MAU2: variants seen among roughly 807,000 people sequenced by gnomAD.
MAU2 encodes MAU2 chromatid cohesion factor homolog.
In MAU2, 9 loss-of-function variants were observed where a neutral mutation model predicts 89.1. The observed-to-expected ratio is 0.10, with a 90% CI of 0.06 to 0.18. The LOEUF (loss-of-function observed/expected upper bound fraction) is 0.18. Ranked by LOEUF, MAU2 falls within the 10% of genes least tolerant of loss-of-function variation. MAU2 has a pLI of 1.00. For missense variants in MAU2, 425 were observed against 803.5 expected, an observed-to-expected ratio of 0.53 and a Z score of 5.69; for synonymous variants, 357 against 343.4, an observed-to-expected ratio of 1.04 and a Z score of -0.44.
At chr19:19,334,125 C>A in intron 1 of MAU2, 1 of 978,288 alleles carries the variant, frequency 1.0e-6, no homozygotes, top group Non-Finnish European at 1.2e-6. Context: ...AAGCCCCCAA[C>A]TTCTGCTCTT....
At chr19:19,350,783 C>T (rs1192166797) in intron 16 of MAU2, among the ~76,000 whole-genome samples, 1 of 151,992 alleles carries the variant, frequency 6.6e-6, no homozygotes, top group East Asian at 1.9e-4. Context: ...GCCTGTAGTC[C>T]CAGCTATTTG....
chr19:19,354,098 C>A lies in MAU2; in HGVS notation c.1549-257C>A. 3.2e-5 allele frequency: 17 copies of A among 535,870 alleles called. No homozygotes were observed. The South Asian group carries it at 3.5e-4, about 11-fold the overall frequency. The allele number at this position is 535,870 out of a possible 1,614,324, so 33.2% of individuals were successfully genotyped here. A position where few individuals can be genotyped will look rare whatever the true frequency, so the allele number is the denominator to read the frequency against. ...TCTCTGCTTGAACAGGTAGAAGCCC[C>A]CAAAGTTGTCCATTGGCCATGCCCC... On this transcript the variant is annotated intron_variant, in intron 16 of 18. Transcript: ENST00000262815.
intron 7 of MAU2, among the ~76,000 whole-genome samples, chr19:19,342,210 CCT>C (rs1350488623): frequency 1.3e-5 from 2 of 152,182 alleles, no homozygotes; most frequent in African/African-American, 4.8e-5. Flanking sequence ...ACAGCCTCCC[CCT>C]GCCGTCTCAG....
chr19:19,339,023 G>C (rs2061619215), intron 5 of MAU2, 84 bp downstream of exon 5: 3 of 1,084,086 alleles, frequency 2.8e-6, no homozygotes, highest in Non-Finnish European at 4.0e-6. Context: ...TAACAGAAAT[G>C]GCATTTCAGG....
At chr19:19,323,538 G>A (rs988974393) in intron 1 of MAU2, among the ~76,000 whole-genome samples, 4 of 151,824 alleles carry the variant, frequency 2.6e-5, no homozygotes, top group South Asian at 4.1e-4. Flanking sequence ...ACAGGGTCTC[G>A]CTCCATCACC....
intron 10 of MAU2, 64 bp downstream of exon 10, chr19:19,344,004 C>T (rs2146692628): frequency 1.5e-6 from 2 of 1,374,156 alleles, no homozygotes; most frequent in Non-Finnish European, 2.1e-6. Context: ...CAGTGTCAGA[C>T]AAGAGACTGA....
intron 1 of MAU2, among the ~76,000 whole-genome samples, chr19:19,332,807 C>T (rs1417662912): frequency 1.3e-5 from 2 of 152,094 alleles, no homozygotes; most frequent in Admixed American, 6.6e-5. Context: ...CCAGCCGCTG[C>T]GGCTCACGCC....
At position 19,348,387 on chromosome 19, in the gene MAU2, C is replaced by T. The variant is rs558389415; in HGVS notation, c.1309-502C>T. On this transcript the variant is annotated intron_variant, in intron 13 of 18. Transcript: ENST00000262815. ...TCAAAGGAAAAAGAAAGCCCAGCCC[C>T]GGCTTAGTCATCCGATGCCATACGT... The T allele has an allele frequency of 9.7e-5, 20 of 205,266 alleles. No homozygotes were observed. The East Asian group carries it at 1.8e-3, about 19-fold the overall frequency. The allele number at this position is 205,266 out of a possible 1,614,324, so 12.7% of individuals were successfully genotyped here.
intron 5 of MAU2, among the ~76,000 whole-genome samples, chr19:19,339,904 C>A (rs989493021): frequency 6.6e-6 from 1 of 151,104 alleles, no homozygotes; most frequent in East Asian, 2.0e-4. Context: ...CGCAGTGGCT[C>A]ACACCTGTAA....
In MAU2 at chr19:19,326,706, A is replaced by ATATATATATACACATATATATATATGTG. The variant is rs1555792839; in HGVS notation, c.276+5581_276+5582insCACATATATATATATGTGTATATATATA. On this transcript the variant is annotated intron_variant, in intron 1 of 18. Coordinates refer to ENST00000262815, the MANE Select transcript of MAU2 (RefSeq NM_015329.4). ...CTCAAAAAAAAATATATATATGTATATATATATATATATACATATATATAT... is the reference window on the plus strand; with the variant it reads ...CTCAAAAAAAAATATATATATGTATATATATATATACACATATATATATATGTGTATATATATATATACATATATATAT... 1.8e-4 allele frequency among the ~76,000 whole-genome samples: 16 copies of ATATATATATACACATATATATATATGTG among 86,996 alleles called. 2 individuals are homozygous for ATATATATATACACATATATATATATGTG. Among genetic ancestry groups the ATATATATATACACATATATATATATGTG allele is most frequent in the African/African-American group, 4.2e-4 (12 of 28,418 alleles). 57.1% of individuals were successfully genotyped at this position (86,996 alleles called of 152,430 possible).
intron 16 of MAU2, among the ~76,000 whole-genome samples, chr19:19,349,695 A>G (rs939373136): frequency 1.3e-5 from 2 of 152,220 alleles, no homozygotes; most frequent in Non-Finnish European, 2.9e-5. Context: ...CCCAGGGCTC[A>G]GGGGAGCTGA....
intron 1 of MAU2, chr19:19,321,408 T>C (rs536127527): frequency 4.8e-6 from 2 of 419,966 alleles, no homozygotes. Context: ...TGCCTGTTAT[T>C]GGGAGCAACA....
At chr19:19,324,838 T>C (rs2061491431) in intron 1 of MAU2, among the ~76,000 whole-genome samples, 1 of 152,248 alleles carries the variant, frequency 6.6e-6, no homozygotes, top group Admixed American at 6.5e-5. Context: ...ATGTTTTCTA[T>C]ACTGTTTTCC....
At chr19:19,338,780 C>T (rs1401595378) in intron 4 of MAU2, 65 bp from the exon 5 acceptor site, 4 of 1,242,720 alleles carry the variant, frequency 3.2e-6, no homozygotes, top group Middle Eastern at 1.9e-4. Context: ...TAACAGAGCA[C>T]GAAGGCAGGT....
chr19:19,324,464 C>T (rs1009113489), intron 1 of MAU2, among the ~76,000 whole-genome samples: 2 of 152,178 alleles, frequency 1.3e-5, no homozygotes, highest in Non-Finnish European at 2.9e-5. Flanking sequence ...CTAAAACTCT[C>T]CTTTCTCTCC....
chr19:19,334,937 C>A (rs1248968871), intron 1 of MAU2, among the ~76,000 whole-genome samples: 1 of 152,232 alleles, frequency 6.6e-6, no homozygotes, highest in Non-Finnish European at 1.5e-5. Context: ...TTGTCAGGTG[C>A]AGGTTGCTCT....
intron 1 of MAU2, among the ~76,000 whole-genome samples, chr19:19,328,294 T>C (rs1038332260): frequency 2.6e-5 from 4 of 152,140 alleles, no homozygotes; most frequent in Admixed American, 1.3e-4. Flanking sequence ...ATTCTTCTCC[T>C]CTCTTCCAGG....
At chr19:19,334,161 G>A (rs2061578048) in intron 1 of MAU2, 6 of 985,054 alleles carry the variant, frequency 6.1e-6, no homozygotes, top group Non-Finnish European at 7.2e-6. Context: ...CGTTGCCACT[G>A]TCCCCACACA....
intron 13 of MAU2, chr19:19,348,660 G>A: frequency 3.2e-6 from 2 of 632,564 alleles, no homozygotes; most frequent in Admixed American, 2.4e-5. Context: ...CCAGGCCCCT[G>A]TCACCTACTG....
Sources: gnomAD v4.1 joint callset for allele counts (sites outside exome capture counted in the v4.1 genomes callset) on GRCh38, gnomAD v4.1.1 for gene constraint, MANE v1.5 for transcripts, NCBI Gene and HGNC (gene_info 2026-07-23, HGNC 2026-07-21) for gene names.